Variants in TIMM9 observed in about 807,000 individuals in gnomAD.
TIMM9 encodes the protein mitochondrial import inner membrane translocase subunit Tim9.
A neutral mutation model predicts 13.4 loss-of-function variants in TIMM9; 10 were observed. The ratio of observed to expected loss-of-function variants is 0.75; its 90% CI spans 0.46 to 1.26. The LOEUF is 1.26. Ranked by LOEUF, TIMM9 falls within the 50% of genes most tolerant of loss-of-function variation. The pLI is 0.00. For synonymous variants in TIMM9, 32 were observed against 32.1 expected (o/e 1.00, Z 0.01); for missense variants, 87 against 100.8 (o/e 0.86, Z 0.58).
At chr14:58,418,555 CGAAA>C (rs1270459989) in intron 3 of TIMM9, among the ~76,000 whole-genome samples, 2 of 151,960 alleles carry the variant, frequency 1.3e-5, no homozygotes, top group Non-Finnish European at 2.9e-5. Context: ...CATGCAAAAT[CGAAA>C]GAATCTACAA....
At chr14:58,425,023 A>G (rs1450133795) in intron 2 of TIMM9, among the ~76,000 whole-genome samples, 2 of 152,192 alleles carry the variant, frequency 1.3e-5, no homozygotes, top group Non-Finnish European at 2.9e-5. Context: ...ATAATTAGGA[A>G]AATCTACAAC....
chr14:58,420,720 G>A (rs774813283), intron 3 of TIMM9, among the ~76,000 whole-genome samples: 3 of 151,196 alleles, frequency 2.0e-5, no homozygotes, highest in South Asian at 4.2e-4. Context: ...TTGAACCCAG[G>A]AGGTGGAGGT....
chr14:58,426,602 T>C (rs2036827551), intron 2 of TIMM9, among the ~76,000 whole-genome samples: 1 of 152,220 alleles, frequency 6.6e-6, no homozygotes, highest in South Asian at 2.1e-4. Context: ...GGATTACATT[T>C]TCTGCTTTGA....
chr14:58,424,905 T>A (rs1321876152), intron 2 of TIMM9, among the ~76,000 whole-genome samples: 2 of 151,932 alleles, frequency 1.3e-5, no homozygotes, highest in African/African-American at 4.8e-5. Context: ...AAACCTAGCA[T>A]CACAAACATG....
chr14:58,420,741 C>T (rs550330564), intron 3 of TIMM9, among the ~76,000 whole-genome samples: 28 of 147,104 alleles, frequency 1.9e-4, no homozygotes, highest in African/African-American at 6.0e-4. Flanking sequence ...TGCAGTGAGC[C>T]GGGATCACGC....
At chr14:58,426,820 C>T (rs1429333982) in intron 2 of TIMM9, among the ~76,000 whole-genome samples, 1 of 152,196 alleles carries the variant, frequency 6.6e-6, no homozygotes, top group Admixed American at 6.5e-5. Flanking sequence ...CCCCGACTCC[C>T]CAGATCCGGG....
chr14:58,415,122 A>T (rs1363948376), intron 3 of TIMM9, among the ~76,000 whole-genome samples: 1 of 152,212 alleles, frequency 6.6e-6, no homozygotes, highest in East Asian at 1.9e-4. Flanking sequence ...CCTAGCAGTA[A>T]CAAGAAACTC....
At chr14:58,418,541 T>C (rs2036486879) in intron 3 of TIMM9, among the ~76,000 whole-genome samples, 1 of 152,178 alleles carries the variant, frequency 6.6e-6, no homozygotes, top group South Asian at 2.1e-4. Flanking sequence ...AATATAATTA[T>C]GAACATGCAA....
At chr14:58,425,131 C>G (rs1230687157) in intron 2 of TIMM9, among the ~76,000 whole-genome samples, 1 of 151,724 alleles carries the variant, frequency 6.6e-6, no homozygotes, top group East Asian at 2.0e-4. Flanking sequence ...GAAAATAAGG[C>G]CAGGCATGAT....
At chr14:58,409,507 G>A (rs915394335) in intron 5 of TIMM9, among the ~76,000 whole-genome samples, 1 of 152,148 alleles carries the variant, frequency 6.6e-6, no homozygotes, top group Non-Finnish European at 1.5e-5. Context: ...AGACCCAGTA[G>A]TAAGTTTGTT....
intron 5 of TIMM9, among the ~76,000 whole-genome samples, chr14:58,409,725 C>A (rs2036150875): frequency 6.6e-6 from 1 of 151,630 alleles, no homozygotes; most frequent in African/African-American, 2.4e-5. Context: ...ACTACAGGTG[C>A]CTGCCACCAT....
intron 3 of TIMM9, among the ~76,000 whole-genome samples, chr14:58,416,135 C>T (rs750900191): frequency 3.3e-5 from 5 of 151,296 alleles, no homozygotes; most frequent in South Asian, 2.1e-4. Context: ...GGCTGAGGCA[C>T]GAGAATTGCT....
In TIMM9 at chr14:58,419,451, T is replaced by TCACACACA. The variant is rs67147520; in HGVS notation, c.-27+4549_-27+4556dup. On this transcript the variant is annotated intron_variant, in intron 3 of 5. Transcript: ENST00000395159. ...GTCTGGAAAATAGAGTGAGACCCCG[T>TCACACACA]CACACACACACACACACACACACAC... 1.7e-3 allele frequency among the ~76,000 whole-genome samples: 189 copies of TCACACACA among 112,922 alleles called. 1 individual carries two copies. Among genetic ancestry groups the TCACACACA allele is most frequent in the African/African-American group, 1.9e-3 (56 of 28,770 alleles). The allele number at this position is 112,922 out of a possible 152,430, so 74.1% of individuals were successfully genotyped here. A position where few individuals can be genotyped will look rare whatever the true frequency, so the allele number is the denominator to read the frequency against.
chr14:58,408,655 T>C lies in TIMM9; in HGVS notation c.*379A>G, dbSNP rs1178231335. ...TACAGTATAAACAACTGCTCAGTGA[T>C]ATTTCCATTTATTTTACTTTGAGTA... On this transcript the variant is annotated 3_prime_UTR_variant, in exon 6 of 6. Coordinates refer to ENST00000395159, the MANE Select transcript of TIMM9 (RefSeq NM_012460.4). 20 of 1,384,024 alleles carry C rather than the reference T, an allele frequency of 1.4e-5. No homozygotes were observed. Among genetic ancestry groups the C allele is most frequent in the Non-Finnish European group, 1.9e-5 (19 of 1,008,136 alleles). The allele number at this position is 1,384,024 out of a possible 1,614,324, so 85.7% of individuals were successfully genotyped here.
At chr14:58,423,984 T>C (rs1254748194) in intron 3 of TIMM9, 24 bp downstream of exon 3, 1 of 152,278 alleles carries the variant, frequency 6.6e-6, no homozygotes, top group East Asian at 1.9e-4. Context: ...TAAAGGGAGA[T>C]CTTATCAGTC....
intron 5 of TIMM9, among the ~76,000 whole-genome samples, chr14:58,409,699 A>T (rs2036149370): frequency 6.6e-6 from 1 of 151,372 alleles, no homozygotes; most frequent in Non-Finnish European, 1.5e-5. Context: ...CTGCCTCAGC[A>T]TCCCGAGTAG....
intron 3 of TIMM9, among the ~76,000 whole-genome samples, chr14:58,412,636 C>T (rs989167909): frequency 3.3e-5 from 5 of 152,130 alleles, no homozygotes; most frequent in African/African-American, 1.2e-4. Flanking sequence ...TGTGGTGGCT[C>T]ATGCCTGTAA....
intron 2 of TIMM9, among the ~76,000 whole-genome samples, chr14:58,426,369 T>C (rs1035342242): frequency 2.0e-5 from 3 of 151,638 alleles, no homozygotes; most frequent in African/African-American, 7.2e-5. Flanking sequence ...CCATGCCCAG[T>C]TAATTTTTTG....
chr14:58,411,892 A>G lies in TIMM9; in HGVS notation c.39+15T>C, dbSNP rs1566747380. 1 of 1,613,372 alleles carries G rather than the reference A, an allele frequency of 6.2e-7. No individual in the cohort carries two copies. The highest frequency in any genetic ancestry group is 8.5e-7 in the Non-Finnish European group (1 of 1,179,460). On this transcript the variant is annotated intron_variant, in intron 4 of 5. Coordinates refer to ENST00000395159, the MANE Select transcript of TIMM9 (RefSeq NM_012460.4). ...TTTTTTGCAAAATCTTTTCCCCTTA[A>G]TTAGAATACCTTACCTGTTTTATCT...
Sources: allele counts gnomAD v4.1 joint callset (sites outside exome capture counted in the v4.1 genomes callset), GRCh38; gene constraint gnomAD v4.1.1; transcripts MANE v1.5; gene names NCBI Gene and HGNC (gene_info 2026-07-23, HGNC 2026-07-21).